The following RBMS3 variants were observed in gnomAD, a reference collection of about 807,000 sequenced individuals.
The protein encoded by RBMS3 is RNA-binding motif, single-stranded-interacting protein 3.
In RBMS3, 27 loss-of-function variants were observed where a neutral mutation model predicts 66.8. The ratio of observed to expected loss-of-function variants is 0.40; its 90% CI spans 0.30 to 0.56. The LOEUF is 0.56. RBMS3 is among the 20% of genes least tolerant of loss of function. The pLI is 0.40. For synonymous variants in RBMS3, 188 were observed against 183.0 expected (o/e 1.03, Z -0.22); for missense variants, 513 against 549.5 (o/e 0.93, Z 0.66).
intron 4 of RBMS3, among the ~76,000 whole-genome samples, chr3:29,595,321 C>T (rs2047904958): frequency 2.6e-5 from 4 of 151,412 alleles, no homozygotes; most frequent in African/African-American, 9.7e-5. Context: ...ATCACTTCAA[C>T]CCGGGAGGTG....
At chr3:29,907,793 A>T (rs541567827) in intron 10 of RBMS3, among the ~76,000 whole-genome samples, 1 of 152,220 alleles carries the variant, frequency 6.6e-6, no homozygotes, top group East Asian at 1.9e-4. Flanking sequence ...AAATAGCATT[A>T]AAAAAATCTC....
intron 6 of RBMS3, among the ~76,000 whole-genome samples, chr3:29,865,556 T>C (rs1194914491): frequency 1.3e-5 from 2 of 152,160 alleles, no homozygotes; most frequent in Non-Finnish European, 2.9e-5. Context: ...AAGAACAAAA[T>C]AAGCAAGTTG....
chr3:29,315,916 G>T (rs1056157901), intron 1 of RBMS3, among the ~76,000 whole-genome samples: 3 of 151,610 alleles, frequency 2.0e-5, no homozygotes, highest in Admixed American at 6.6e-5. Context: ...GAGTCCTTCA[G>T]GTTTTGTTAT....
At chr3:29,284,862 CTTT>C (rs773078453) in intron 1 of RBMS3, among the ~76,000 whole-genome samples, 10 of 112,776 alleles carry the variant, frequency 8.9e-5, no homozygotes, top group African/African-American at 2.7e-4. Flanking sequence ...ATGAATTTTT[CTTT>C]TTTTTTTTTT....
chr3:29,359,615 G>A (rs1200187219), intron 1 of RBMS3, among the ~76,000 whole-genome samples: 1 of 152,176 alleles, frequency 6.6e-6, no homozygotes, highest in Non-Finnish European at 1.5e-5. Flanking sequence ...AGTTTCAGAA[G>A]GAATGGTTCC....
At chr3:29,833,800 C>G (rs2888162) in intron 6 of RBMS3, among the ~76,000 whole-genome samples, 368 of 151,862 alleles carry the variant, frequency 2.4e-3, no homozygotes, top group Non-Finnish European at 1.9e-3. Context: ...CCAAATCTGG[C>G]GAGAGATGTG....
At chr3:29,600,467 G>A (rs1374414157) in intron 4 of RBMS3, among the ~76,000 whole-genome samples, 2 of 150,810 alleles carry the variant, frequency 1.3e-5, no homozygotes, top group Non-Finnish European at 2.9e-5. Context: ...TGTCTTGAGT[G>A]GAGGCAACCT....
At position 29,466,009 on chromosome 3, in the gene RBMS3, T is replaced by C. The variant is rs73828667; in HGVS notation, c.249-22432T>C. 5.9e-4 allele frequency among the ~76,000 whole-genome samples: 89 copies of C among 151,848 alleles called. No individual in the cohort carries two copies. The Middle Eastern group carries it at 0.01, about 17-fold the overall frequency. ...CTCACGATTTTTGGATATGATTCAG[T>C]GATCAGCATGACTCCACTGCAGGAC... On this transcript the variant is annotated intron_variant, in intron 2 of 14. Transcript: ENST00000383767.
chr3:29,615,111 T>C (rs2048618775), intron 4 of RBMS3: 1 of 152,534 alleles, frequency 6.6e-6, no homozygotes, highest in African/African-American at 2.4e-5. Flanking sequence ...GAACTTGAAC[T>C]GAGTCAGCTT....
intron 1 of RBMS3, among the ~76,000 whole-genome samples, chr3:29,422,852 G>A (rs924098493): frequency 2.3e-4 from 35 of 152,008 alleles, no homozygotes; most frequent in Non-Finnish European, 4.1e-4. Flanking sequence ...TTGTCTTCTT[G>A]AGGAAATTAT....
intron 6 of RBMS3, among the ~76,000 whole-genome samples, chr3:29,790,122 C>A (rs1245182535): frequency 6.6e-6 from 1 of 152,128 alleles, no homozygotes; most frequent in African/African-American, 2.4e-5. Context: ...ATGTTAAACA[C>A]ATTTTTACAG....
intron 4 of RBMS3, among the ~76,000 whole-genome samples, chr3:29,624,844 G>T (rs1473025762): frequency 6.6e-6 from 1 of 152,140 alleles, no homozygotes; most frequent in East Asian, 1.9e-4. Flanking sequence ...GGAAAGGAAT[G>T]TATCTCTTGG....
chr3:29,421,317 C>G (rs2040725136), intron 1 of RBMS3, among the ~76,000 whole-genome samples: 1 of 152,058 alleles, frequency 6.6e-6, no homozygotes, highest in South Asian at 2.1e-4. Context: ...GAGCATCTAT[C>G]TTATGACTTG....
intron 10 of RBMS3, among the ~76,000 whole-genome samples, chr3:29,922,731 C>T (rs1444509951): frequency 3.3e-5 from 5 of 152,072 alleles, no homozygotes; most frequent in Admixed American, 3.3e-4. Flanking sequence ...TTCAAGCCAG[C>T]TAAGATAGAC....
intron 10 of RBMS3, among the ~76,000 whole-genome samples, chr3:29,912,141 A>G (rs1202139459): frequency 6.6e-6 from 1 of 152,004 alleles, no homozygotes; most frequent in Non-Finnish European, 1.5e-5. Context: ...CTGGGACATG[A>G]CACTAGTTCT....
chr3:29,944,601 G>A (rs889330511), intron 12 of RBMS3, among the ~76,000 whole-genome samples: 1 of 151,654 alleles, frequency 6.6e-6, no homozygotes, highest in African/African-American at 2.4e-5. Context: ...ATAATTTTAT[G>A]TATAGCAAAA....
Position 29,960,705 on chromosome 3 carries a change from C to T in RBMS3, c.1098+16451C>T, listed in dbSNP as rs538258889. Among the ~76,000 whole-genome samples, 11 of 152,278 alleles carry T rather than the reference C, an allele frequency of 7.2e-5. No individual in the cohort carries two copies. In the South Asian group the frequency reaches 2.3e-3, roughly 32 times the overall value. ...CAAACCTCAATTCTTGACTTGTGTG[C>T]ACCTGCAGGCTCAACACCACGTGGA... is the stretch of plus-strand genomic sequence containing the variant. On this transcript the variant is annotated intron_variant, in intron 12 of 14. Coordinates refer to ENST00000383767, the MANE Select transcript of RBMS3 (RefSeq NM_001003793.3).
chr3:29,586,102 A>G (rs191162204), intron 3 of RBMS3, among the ~76,000 whole-genome samples: 266 of 152,244 alleles, frequency 1.7e-3, no homozygotes, highest in Non-Finnish European at 3.0e-3. Flanking sequence ...TGAGATAAGT[A>G]TAAGAATACA....
intron 4 of RBMS3, among the ~76,000 whole-genome samples, chr3:29,709,383 C>T (rs73829313): frequency 0.079 from 12,013 of 152,196 alleles, 1,590 homozygotes; most frequent in African/African-American, 0.27. Context: ...TAAGAAAAGT[C>T]CCAAGCCTTC....
Sources: gnomAD v4.1 joint callset for allele counts (sites outside exome capture counted in the v4.1 genomes callset) on GRCh38, gnomAD v4.1.1 for gene constraint, MANE v1.5 for transcripts, NCBI Gene and HGNC (gene_info 2026-07-23, HGNC 2026-07-21) for gene names.